The following WWC1 variants were observed in gnomAD, a reference collection of about 807,000 sequenced individuals.
WWC1 encodes the protein WW and C2 domain containing 1.
WWC1 carries 55 observed loss-of-function variants against 138.4 expected under a neutral mutation model. That is an observed-to-expected ratio of 0.40 (90% CI 0.32 to 0.50). WWC1 has a LOEUF of 0.50. Among genes scored for constraint, WWC1 ranks in the 20% least tolerant of loss-of-function variants. The pLI is 0.72. For missense variants in WWC1, 1,226 were observed against 1,420.4 expected (o/e 0.86, Z 2.20); for synonymous variants, 524 against 564.9 (o/e 0.93, Z 1.03).
chr5:168,451,083 A>G (rs954179165), intron 17 of WWC1, among the ~76,000 whole-genome samples: 4 of 74,692 alleles, frequency 5.4e-5, no homozygotes, highest in Admixed American at 2.8e-4. Flanking sequence ...GCTCACTGCA[A>G]TCTCGGCTCA....
At chr5:168,336,900 T>C (rs1299984286) in intron 1 of WWC1, among the ~76,000 whole-genome samples, 1 of 152,142 alleles carries the variant, frequency 6.6e-6, no homozygotes, top group Admixed American at 6.5e-5. Flanking sequence ...GTGGAGAAAG[T>C]GGTGACGCCG....
At chr5:168,418,817 G>T (rs1460816704) in intron 9 of WWC1, among the ~76,000 whole-genome samples, 1 of 152,018 alleles carries the variant, frequency 6.6e-6, no homozygotes, top group Non-Finnish European at 1.5e-5. Flanking sequence ...TTTATACTGG[G>T]TCAAGAGATT....
chr5:168,328,628 C>T (rs1160559947), intron 1 of WWC1, among the ~76,000 whole-genome samples: 1 of 152,122 alleles, frequency 6.6e-6, no homozygotes, highest in Admixed American at 6.6e-5. Context: ...CTCACTGCAA[C>T]CTCCGCCTCC....
chr5:168,433,124 T>C (rs144385471), intron 15 of WWC1, among the ~76,000 whole-genome samples: 338 of 152,360 alleles, frequency 2.2e-3, no homozygotes, highest in African/African-American at 7.9e-3. Flanking sequence ...TAGTCTCAGT[T>C]CCCTTATCTG....
chr5:168,292,258 G>A lies in WWC1; in HGVS notation c.106G>A (p.Asp36Asn). 12 of 1,598,584 alleles carry A rather than the reference G, an allele frequency of 7.5e-6. No homozygotes were observed. Among genetic ancestry groups the A allele is most frequent in the Non-Finnish European group, 1.0e-5 (12 of 1,173,354 alleles). ...DHTNRTTSWI[D>N]PRDRYTKPLT... ...CACGAACCGCACCACCAGCTGGATCGACCCGCGGGACAGGTAGGACCCTGG... is the reference window on the plus strand; with the variant it reads ...CACGAACCGCACCACCAGCTGGATCAACCCGCGGGACAGGTAGGACCCTGG... The change falls in exon 1 of 23, where the codon GAC becomes AAC. Residue 36 changes from aspartate to asparagine, a missense_variant. Physicochemically the swap from Asp to Asn is conservative, Grantham distance 23. This residue lies in a region of WWC1 where 1,016 missense variants were observed against 1,153.9 expected (regional missense o/e 0.88). Coordinates refer to ENST00000265293, the MANE Select transcript of WWC1 (RefSeq NM_015238.3). This position sits in a 1 kb window ranked among gnomAD's most constrained non-coding sequence, Gnocchi z 4.4.
In WWC1 at chr5:168,423,882, T is replaced by TC. The variant is rs762899386; in HGVS notation, c.1629dup (p.Ser544LeufsTer10). ...CCTATCCCCACGTTCCTCTCTCTCC[T>TC]CCCCCTCCCCACCCTGTTCCCCTCT... On this transcript the variant is annotated frameshift_variant, in exon 11 of 23. Transcript: ENST00000265293. LOFTEE classifies it high-confidence loss of function. The TC allele has an allele frequency of 6.2e-7, 1 of 1,613,568 alleles. No individual in the cohort carries two copies. Among genetic ancestry groups the TC allele is most frequent in the African/African-American group, 1.3e-5 (1 of 74,778 alleles).
chr5:168,440,580 G>A (rs1317272452), intron 15 of WWC1, among the ~76,000 whole-genome samples: 2 of 152,100 alleles, frequency 1.3e-5, no homozygotes, highest in South Asian at 2.1e-4. Context: ...GCAATGGCAC[G>A]ATCTCATCTC....
Position 168,363,340 on chromosome 5 carries a change from A to G in WWC1, c.120-8084A>G, listed in dbSNP as rs142754479. Among the ~76,000 whole-genome samples the G allele has an allele frequency of 6.8e-3, 1,039 of 152,150 alleles. 4 individuals are homozygous for G. The highest frequency in any genetic ancestry group is 0.024 in the African/African-American group (978 of 41,506). On this transcript the variant is annotated intron_variant, in intron 1 of 22. Transcript: ENST00000265293. ...GGAGTTTGAGACCAGACTGACAAACATGGGGAAATCCCGCCTCTACTAAAA... is the reference window on the plus strand; with the variant it reads ...GGAGTTTGAGACCAGACTGACAAACGTGGGGAAATCCCGCCTCTACTAAAA...
intron 14 of WWC1, among the ~76,000 whole-genome samples, chr5:168,430,705 C>G (rs1781871150): frequency 6.6e-6 from 1 of 152,206 alleles, no homozygotes; most frequent in Non-Finnish European, 1.5e-5. Context: ...TGGTAGGATG[C>G]AAACACCTGC....
chr5:168,433,265 GC>G lies in WWC1; in HGVS notation c.2280+1822del, dbSNP rs778172472. Among the ~76,000 whole-genome samples, 112 of 152,244 alleles carry G rather than the reference GC, an allele frequency of 7.4e-4. 1 individual carries two copies. The highest frequency in any genetic ancestry group is 5.9e-4 in the Non-Finnish European group (40 of 68,048). On this transcript the variant is annotated intron_variant, in intron 15 of 22. Transcript: ENST00000265293. ...CTGGCTAAATGCAGATTCTGATTCA[GC>G]AAGTCTGGAGCAGAACCTGAGATTC...
At chr5:168,391,396 C>T (rs921444483) in intron 3 of WWC1, among the ~76,000 whole-genome samples, 1 of 152,128 alleles carries the variant, frequency 6.6e-6, no homozygotes, top group East Asian at 1.9e-4. Context: ...CGCGGTGGCT[C>T]ACGCCTGTAA....
intron 5 of WWC1, among the ~76,000 whole-genome samples, chr5:168,403,278 TA>T (rs1779527050): frequency 6.6e-6 from 1 of 151,960 alleles, no homozygotes; most frequent in African/African-American, 2.4e-5. Flanking sequence ...TTTGTATTTT[TA>T]GTAGAGATGG....
At chr5:168,445,728 G>A (rs74703404) in intron 17 of WWC1, among the ~76,000 whole-genome samples, 4,633 of 139,450 alleles carry the variant, frequency 0.033, 202 homozygotes, top group African/African-American at 0.11. Context: ...AAAAAAAAGA[G>A]TAAGCAGTCC....
intron 1 of WWC1, among the ~76,000 whole-genome samples, chr5:168,297,073 C>T (rs1769600939): frequency 6.6e-6 from 1 of 152,170 alleles, no homozygotes; most frequent in Non-Finnish European, 1.5e-5. Context: ...GTCCCTGAAC[C>T]TTGCGTTTGC....
intron 1 of WWC1, among the ~76,000 whole-genome samples, chr5:168,301,478 A>T (rs967007383): frequency 2.6e-5 from 4 of 152,130 alleles, no homozygotes; most frequent in African/African-American, 9.7e-5. Flanking sequence ...TCTACTAAAT[A>T]TACAAAAAAA....
At chr5:168,375,342 G>A (rs1482038292) in intron 2 of WWC1, among the ~76,000 whole-genome samples, 1 of 152,082 alleles carries the variant, frequency 6.6e-6, no homozygotes, top group Admixed American at 6.6e-5. Context: ...CCACGTGAAG[G>A]AAACATATCA....
At chr5:168,348,119 C>T (rs1241931204) in intron 1 of WWC1, among the ~76,000 whole-genome samples, 2 of 152,220 alleles carry the variant, frequency 1.3e-5, no homozygotes, top group Admixed American at 6.5e-5. Context: ...GTGTTACTGG[C>T]AGCCCCATTT....
At chr5:168,344,721 C>A (rs1479609517) in intron 1 of WWC1, among the ~76,000 whole-genome samples, 1 of 152,132 alleles carries the variant, frequency 6.6e-6, no homozygotes, top group African/African-American at 2.4e-5. Context: ...CTTGACAAAG[C>A]AGTGCAGGGG....
At chr5:168,325,970 G>T (rs1041605436) in intron 1 of WWC1, among the ~76,000 whole-genome samples, 2 of 152,252 alleles carry the variant, frequency 1.3e-5, no homozygotes, top group African/African-American at 4.8e-5. Flanking sequence ...CATCCATGTT[G>T]TAGACTGTGT....
Sources: gnomAD v4.1 joint callset for allele counts (sites outside exome capture counted in the v4.1 genomes callset) on GRCh38, gnomAD v4.1.1 for gene constraint, gnomAD v4.1.1 regional missense constraint, Gnocchi (gnomAD v3.1) non-coding constraint, MANE v1.5 for transcripts, NCBI Gene and HGNC (gene_info 2026-07-23, HGNC 2026-07-21) for gene names.